Variants in PCSK5 observed in about 807,000 individuals in gnomAD.
PCSK5 encodes proprotein convertase subtilisin/kexin type 5, also known as prohormone convertase 5.
Under a neutral mutation model 233.2 loss-of-function variants are expected in PCSK5, and 129 were observed. That is an observed-to-expected ratio of 0.55 (90% CI 0.48 to 0.64). The LOEUF (loss-of-function observed/expected upper bound fraction) is 0.64. PCSK5 is among the 30% of genes least tolerant of loss of function. PCSK5 has a pLI of 0.00. For synonymous variants in PCSK5, 825 were observed against 879.2 expected (o/e 0.94, Z 1.09); for missense variants, 2,076 against 2,430.1 (o/e 0.85, Z 3.06).
At chr9:76,257,025 T>G (rs185157184) in intron 24 of PCSK5, among the ~76,000 whole-genome samples, 139 of 152,380 alleles carry the variant, frequency 9.1e-4, no homozygotes, top group Middle Eastern at 3.4e-3. Flanking sequence ...CTATTGTGAA[T>G]ATCAAAACAG....
At chr9:75,926,493 C>T (rs945588267) in intron 1 of PCSK5, among the ~76,000 whole-genome samples, 2 of 152,124 alleles carry the variant, frequency 1.3e-5, no homozygotes, top group Non-Finnish European at 2.9e-5. Context: ...TGTTAGAAGG[C>T]GATGAGGAGG....
intron 24 of PCSK5, among the ~76,000 whole-genome samples, chr9:76,274,465 G>A (rs901866142): frequency 6.6e-6 from 1 of 151,646 alleles, no homozygotes; most frequent in Non-Finnish European, 1.5e-5. Context: ...TTCCTTATGT[G>A]GTCTATGTTT....
At chr9:76,155,114 C>T (rs1041417907) in intron 10 of PCSK5, among the ~76,000 whole-genome samples, 1 of 152,086 alleles carries the variant, frequency 6.6e-6, no homozygotes, top group Admixed American at 6.5e-5. Flanking sequence ...CACATTTATC[C>T]GTGCCATAGC....
chr9:76,189,539 A>C, intron 19 of PCSK5, 92 bp from the exon 20 acceptor site: 1 of 783,902 alleles, frequency 1.3e-6, no homozygotes, highest in Non-Finnish European at 2.2e-6. Context: ...TCAGAGGGAT[A>C]ATTAAATGTA....
chr9:75,997,204 G>T (rs1178833937), intron 3 of PCSK5, among the ~76,000 whole-genome samples: 2 of 152,172 alleles, frequency 1.3e-5, no homozygotes, highest in Admixed American at 6.5e-5. Flanking sequence ...AGGTGATTTT[G>T]CCTTCAGATG....
chr9:76,246,111 C>A (rs956015532), intron 24 of PCSK5, among the ~76,000 whole-genome samples: 2 of 152,024 alleles, frequency 1.3e-5, no homozygotes, highest in East Asian at 1.9e-4. Flanking sequence ...GAGGCCGAGG[C>A]GGGCAGATCA....
chr9:76,171,471 A>T (rs775173020), intron 13 of PCSK5, among the ~76,000 whole-genome samples: 1 of 152,072 alleles, frequency 6.6e-6, no homozygotes, highest in Non-Finnish European at 1.5e-5. Flanking sequence ...ACTAAACGTG[A>T]CTCTGTTCTT....
Position 76,308,675 on chromosome 9 carries a change from C to A in PCSK5, c.3635C>A (p.Ser1212Tyr). Residue 1212 changes from serine (S) to tyrosine (Y), a missense_variant, in exon 29 of 38, where the codon TCT becomes TAT. Ser to Tyr is a moderately radical substitution (Grantham distance 144). Transcript: ENST00000674117. ...TTGAGAAAACTCCAGCCTTGTCATT[C>A]TTCTTGTAAAACCTGCAATGGATCT... is the stretch of plus-strand genomic sequence containing the variant. ...DILRKLQPCH[S>Y]SCKTCNGSAT... 6.2e-7 allele frequency: 1 copy of A among 1,609,484 alleles called. No homozygotes were observed. Among genetic ancestry groups the A allele is most frequent in the Non-Finnish European group, 8.5e-7 (1 of 1,176,882 alleles).
intron 7 of PCSK5, among the ~76,000 whole-genome samples, chr9:76,092,018 C>A (rs1373294576): frequency 1.3e-5 from 2 of 152,100 alleles, no homozygotes; most frequent in African/African-American, 4.8e-5. Flanking sequence ...CTCAGCAATG[C>A]CATTGCTCCT....
At chr9:76,147,672 A>G (rs1261359946) in intron 10 of PCSK5, among the ~76,000 whole-genome samples, 1 of 152,180 alleles carries the variant, frequency 6.6e-6, no homozygotes, top group Non-Finnish European at 1.5e-5. Flanking sequence ...CGCCCCCCAT[A>G]TGTAATGAAT....
chr9:76,039,808 A>T (rs1829016088), intron 5 of PCSK5, among the ~76,000 whole-genome samples: 1 of 152,224 alleles, frequency 6.6e-6, no homozygotes, highest in Non-Finnish European at 1.5e-5. Flanking sequence ...TTCCAAAAAA[A>T]CTTTGGCTGC....
chr9:76,184,960 G>T (rs989410650), intron 17 of PCSK5, among the ~76,000 whole-genome samples: 5 of 152,122 alleles, frequency 3.3e-5, no homozygotes. Context: ...CTAAAGAAGG[G>T]TTATATCCAA....
intron 7 of PCSK5, among the ~76,000 whole-genome samples, chr9:76,085,745 G>C (rs994320357): frequency 1.3e-5 from 2 of 152,172 alleles, no homozygotes; most frequent in Admixed American, 6.5e-5. Flanking sequence ...TAGTAGAGGC[G>C]TGTGACAGTT....
Position 76,288,856 on chromosome 9 carries a change from A to G in PCSK5, c.3143-3377A>G, listed in dbSNP as rs550533098. 3.3e-5 allele frequency among the ~76,000 whole-genome samples: 5 copies of G among 152,306 alleles called. No individual in the cohort carries two copies. The South Asian group carries it at 1.0e-3, about 32-fold the overall frequency. The stretch of plus-strand genomic sequence containing the variant: ...TTCAAGTTTAAAATATCTCCTTTCC[A>G]ATACATCTTATAGGTATGATGTGCA... On this transcript the variant is annotated intron_variant, in intron 24 of 37. Coordinates refer to ENST00000674117, the MANE Select transcript of PCSK5 (RefSeq NM_001372043.1).
intron 33 of PCSK5, among the ~76,000 whole-genome samples, chr9:76,329,198 C>T (rs987624157): frequency 1.2e-4 from 18 of 151,886 alleles, no homozygotes; most frequent in East Asian, 5.8e-4. Flanking sequence ...TGCAGTGGCA[C>T]GATCATGGTT....
intron 5 of PCSK5, 148 bp from the exon 6 acceptor site, chr9:76,067,807 A>G: frequency 3.1e-6 from 2 of 647,510 alleles, no homozygotes; most frequent in Admixed American, 2.3e-5. Flanking sequence ...GAAGTTTGCC[A>G]TGGACAGACA....
chr9:76,043,213 C>A (rs928131708), intron 5 of PCSK5, among the ~76,000 whole-genome samples: 1 of 151,194 alleles, frequency 6.6e-6, no homozygotes, highest in Non-Finnish European at 1.5e-5. Context: ...GGCGTGGTGG[C>A]GGGCGCCTGT....
Position 75,891,257 on chromosome 9 carries a change from C to T in PCSK5, c.76C>T (p.Leu26=), listed in dbSNP as rs748893740. 34 of 1,528,112 alleles carry T rather than the reference C, an allele frequency of 2.2e-5. No individual in the cohort carries two copies. The highest frequency in any genetic ancestry group is 2.8e-5 in the Non-Finnish European group (32 of 1,147,726). The allele number at this position is 1,528,112 out of a possible 1,614,324, so 94.7% of individuals were successfully genotyped here. A position where few individuals can be genotyped will look rare whatever the true frequency, so the allele number is the denominator to read the frequency against. ...LCVLALLGGC[L]LPVCRTRVYT... ...CGTGCTGGCGCTGCTCGGGGGCTGC[C>T]TGCTCCCCGTGTGTCGGACGCGCGT... Residue 26 remains leucine, a synonymous_variant, in exon 1 of 38, where the codon CTG becomes TTG. Coordinates refer to ENST00000674117, the MANE Select transcript of PCSK5 (RefSeq NM_001372043.1).
intron 13 of PCSK5, among the ~76,000 whole-genome samples, 158 bp from the exon 14 acceptor site, chr9:76,174,828 G>A (rs1180245300): frequency 6.6e-6 from 1 of 152,174 alleles, no homozygotes; most frequent in African/African-American, 2.4e-5. Context: ...CAGATGACGA[G>A]AAATACGCAT....
Sources: allele counts gnomAD v4.1 joint callset (sites outside exome capture counted in the v4.1 genomes callset), GRCh38; gene constraint gnomAD v4.1.1; transcripts MANE v1.5; gene names NCBI Gene and HGNC (gene_info 2026-07-23, HGNC 2026-07-21).